Variants in SVBP observed in about 807,000 individuals in gnomAD.
SVBP encodes the protein small vasohibin binding protein, also known as small vasohibin-binding protein.
In SVBP, 9 loss-of-function variants were observed where a neutral mutation model predicts 9.2. The observed-to-expected ratio is 0.98, with a 90% CI of 0.59 to 1.71. The LOEUF (loss-of-function observed/expected upper bound fraction) is 1.71. Ranked by LOEUF, SVBP falls within the 40% of genes most tolerant of loss-of-function variation. The probability of loss-of-function intolerance (pLI) is 0.00; values close to 1 mark genes in which losing one functional copy is unlikely to be tolerated. For missense variants in SVBP, 63 were observed against 73.2 expected, an observed-to-expected ratio of 0.86 and a Z score of 0.51; for synonymous variants, 27 against 23.9, an observed-to-expected ratio of 1.13 and a Z score of -0.37.
intron 2 of SVBP, among the ~76,000 whole-genome samples, chr1:42,812,755 A>G (rs1377790339): frequency 1.3e-5 from 2 of 152,186 alleles, no homozygotes; most frequent in African/African-American, 2.4e-5. Flanking sequence ...GCTTTTGCAA[A>G]AGTAGTTGCA....
intron 2 of SVBP, among the ~76,000 whole-genome samples, chr1:42,808,027 A>T (rs192914806): frequency 2.6e-5 from 4 of 151,388 alleles, no homozygotes; most frequent in Non-Finnish European, 4.4e-5. Flanking sequence ...GGAGAAAGCA[A>T]GAAAATTATG....
chr1:42,812,184 T>C (rs1385653872), intron 2 of SVBP, among the ~76,000 whole-genome samples: 1 of 152,244 alleles, frequency 6.6e-6, no homozygotes, highest in Non-Finnish European at 1.5e-5. Context: ...ATGTGTCCTC[T>C]CTTACATTTA....
chr1:42,807,370 C>T lies in SVBP; in HGVS notation c.*44G>A, dbSNP rs183740616. Reference sequence around the variant, plus strand: ...CATCTCAGCTTAAAACTGGCAACACCCTCTCAAAGCTCTCAGGATCCCATC... The same window carrying T: ...CATCTCAGCTTAAAACTGGCAACACTCTCTCAAAGCTCTCAGGATCCCATC... On this transcript the variant is annotated 3_prime_UTR_variant, in exon 3 of 3. Transcript: ENST00000372521. The T allele has an allele frequency of 6.9e-7, 1 of 1,450,490 alleles. No homozygotes were observed. The highest frequency in any genetic ancestry group is 9.7e-7 in the Non-Finnish European group (1 of 1,032,170). The allele number at this position is 1,450,490 out of a possible 1,614,324, so 89.9% of individuals were successfully genotyped here.
chr1:42,812,809 G>C (rs1456173110), intron 2 of SVBP, among the ~76,000 whole-genome samples: 1 of 152,140 alleles, frequency 6.6e-6, no homozygotes, highest in African/African-American at 2.4e-5. Flanking sequence ...GTACAAGTTT[G>C]TATTTATAAG....
intron 2 of SVBP, among the ~76,000 whole-genome samples, chr1:42,808,182 T>TATATATAC (rs1243399022): frequency 5.4e-5 from 7 of 130,730 alleles, no homozygotes; most frequent in Admixed American, 1.6e-4. Context: ...TATATATACA[T>TATATATAC]ACTATGTATA....
intron 2 of SVBP, among the ~76,000 whole-genome samples, chr1:42,812,363 G>A (rs557910750): frequency 2.0e-5 from 3 of 152,264 alleles, no homozygotes; most frequent in Admixed American, 6.5e-5. Context: ...TGTGCCCTGC[G>A]GCCAAACACA....
intron 2 of SVBP, chr1:42,813,830 G>A: frequency 2.4e-6 from 1 of 418,140 alleles, no homozygotes; most frequent in Non-Finnish European, 4.8e-6. Context: ...AAAGCACAAT[G>A]CAGTCATATC....
At chr1:42,816,351 G>A in intron 2 of SVBP, 80 bp downstream of exon 2, 3 of 1,051,076 alleles carry the variant, frequency 2.9e-6, no homozygotes, top group Non-Finnish European at 4.3e-6. Flanking sequence ...CTCGCTGTCA[G>A]TTCTCCTTTC....
In SVBP at chr1:42,817,319, G is replaced by T. The variant is rs1352690706; in HGVS notation, c.-166C>A. The T allele has an allele frequency of 3.5e-6, 4 of 1,131,746 alleles. No individual in the cohort carries two copies. Among genetic ancestry groups the T allele is most frequent in the Non-Finnish European group, 4.5e-6 (4 of 881,286 alleles). 70.1% of individuals were successfully genotyped at this position (1,131,746 alleles called of 1,614,324 possible). On this transcript the variant is annotated 5_prime_UTR_variant, in exon 1 of 3. Coordinates refer to ENST00000372521, the MANE Select transcript of SVBP (RefSeq NM_199342.4). ...CTGCCCACCGCCCCTCGTCCTGGGC[G>T]GGGCCGCGCGCCGGGGGGAGGGGCG...
intron 2 of SVBP, among the ~76,000 whole-genome samples, chr1:42,814,279 T>C (rs1375337546): frequency 1.3e-5 from 2 of 151,524 alleles, no homozygotes; most frequent in African/African-American, 4.8e-5. Flanking sequence ...GGTTTCACCA[T>C]GTTGGCCAGG....
rs1225734591 is a variant in SVBP at position 42,816,415 on chromosome 1, T to TC, written c.114+15dup. The TC allele has an allele frequency of 6.4e-7, 1 of 1,563,368 alleles. No individual in the cohort carries two copies. Among genetic ancestry groups the TC allele is most frequent in the Non-Finnish European group, 8.8e-7 (1 of 1,134,432 alleles). On this transcript the variant is annotated intron_variant, in intron 2 of 2. Transcript: ENST00000372521. ...CAGCAGACTACAGGCATACAGAGCCTCCGCCTTAATCTCACCTCTGCTCTT... is the reference window on the plus strand; with the variant it reads ...CAGCAGACTACAGGCATACAGAGCCTCCCGCCTTAATCTCACCTCTGCTCTT...
At chr1:42,810,370 TC>T (rs750716194) in intron 2 of SVBP, among the ~76,000 whole-genome samples, 11 of 152,050 alleles carry the variant, frequency 7.2e-5, no homozygotes, top group Non-Finnish European at 1.3e-4. Flanking sequence ...ATGGTCTTGA[TC>T]TCCTGACCTC....
At chr1:42,810,121 TACATACACAC>T (rs1557598159) in intron 2 of SVBP, among the ~76,000 whole-genome samples, 21 of 137,760 alleles carry the variant, frequency 1.5e-4, no homozygotes, top group Admixed American at 9.8e-4. Context: ...CACACATACA[TACATACACAC>T]ACACACACAC....
chr1:42,811,634 T>C (rs539877435), intron 2 of SVBP, among the ~76,000 whole-genome samples: 1 of 152,242 alleles, frequency 6.6e-6, no homozygotes, highest in African/African-American at 2.4e-5. Context: ...TGCCAAGTAC[T>C]GCGCTATGGG....
rs12071025 is a variant in SVBP, at chr1:42,816,330, G to A, written c.114+101C>T. 6,128 of 850,422 alleles carry A rather than the reference G, an allele frequency of 7.2e-3. 261 individuals carry two copies. In the African/African-American group the frequency reaches 0.091, roughly 13 times the overall value. The allele number at this position is 850,422 out of a possible 1,614,324, so 52.7% of individuals were successfully genotyped here. A position where few individuals can be genotyped will look rare whatever the true frequency, so the allele number is the denominator to read the frequency against. ...TGGGAGAACACCCATCCTGCCTGGA[G>A]GCAAGTATGGCTCGCTGTCAGTTCT... On this transcript the variant is annotated intron_variant, in intron 2 of 2. Transcript: ENST00000372521.
intron 1 of SVBP, 44 bp downstream of exon 1, chr1:42,817,146 G>C (rs1180759132): frequency 1.7e-6 from 2 of 1,199,336 alleles, no homozygotes; most frequent in Non-Finnish European, 2.1e-6. Context: ...GGAGGAAAAT[G>C]GCGGTCGCTG....
chr1:42,810,899 G>GGAGGCC (rs911720994), intron 2 of SVBP, among the ~76,000 whole-genome samples: 24 of 152,310 alleles, frequency 1.6e-4, no homozygotes, highest in African/African-American at 5.8e-4. Context: ...CAGCACTTTG[G>GGAGGCC]GAGGCCGAGG....
chr1:42,813,468 G>A (rs1171419026), intron 2 of SVBP: 2 of 558,948 alleles, frequency 3.6e-6, no homozygotes, highest in Non-Finnish European at 7.2e-6. Flanking sequence ...GAACTTCTGG[G>A]CTCTTACTGT....
rs78502886 is a variant in SVBP, at chr1:42,813,152, G to A, written c.114+3279C>T. ...AAGCCATTTGAAAGTACTGAAGAAT[G>A]AGGAGTATTTTTTTTCTACTGATGA... On this transcript the variant is annotated intron_variant, in intron 2 of 2. Transcript: ENST00000372521. 3.6e-3 allele frequency among the ~76,000 whole-genome samples: 548 copies of A among 151,360 alleles called. 3 individuals are homozygous for A. The highest frequency in any genetic ancestry group is 0.013 in the African/African-American group (521 of 41,014).
Sources: gnomAD v4.1 joint callset for allele counts (sites outside exome capture counted in the v4.1 genomes callset) on GRCh38, gnomAD v4.1.1 for gene constraint, MANE v1.5 for transcripts, NCBI Gene and HGNC (gene_info 2026-07-23, HGNC 2026-07-21) for gene names.